The following FHIT variants were observed in gnomAD, a reference collection of about 807,000 sequenced individuals.
FHIT encodes bis(5'-adenosyl)-triphosphatase.
FHIT carries 19 observed loss-of-function variants against 17.9 expected under a neutral mutation model. The ratio of observed to expected loss-of-function variants is 1.06; its 90% CI spans 0.74 to 1.56. The LOEUF is 1.56. Among genes scored for constraint, FHIT ranks in the 40% most tolerant of loss-of-function variants. The pLI is 0.00. For synonymous variants in FHIT, 81 were observed against 69.7 expected, an observed-to-expected ratio of 1.16 and a Z score of -0.81; for missense variants, 248 against 189.2, an observed-to-expected ratio of 1.31 and a Z score of -1.82.
At chr3:59,817,662 G>A (rs1407885066) in intron 8 of FHIT, among the ~76,000 whole-genome samples, 1 of 151,788 alleles carries the variant, frequency 6.6e-6, no homozygotes, top group Admixed American at 6.6e-5. Context: ...CCATCCTCCA[G>A]CCTTTTAAAG....
intron 3 of FHIT, among the ~76,000 whole-genome samples, chr3:60,871,964 CTATTA>C (rs1253314835): frequency 6.6e-6 from 1 of 151,916 alleles, no homozygotes; most frequent in Non-Finnish European, 1.5e-5. Context: ...TGCCCAGCTC[CTATTA>C]TATTTTTAAA....
intron 5 of FHIT, among the ~76,000 whole-genome samples, chr3:60,129,195 G>T (rs1362610091): frequency 6.6e-6 from 1 of 151,876 alleles, no homozygotes; most frequent in African/African-American, 2.4e-5. Context: ...TGGGACTACA[G>T]GTGAGTGCCA....
At chr3:60,271,233 C>A (rs1706853660) in intron 5 of FHIT, among the ~76,000 whole-genome samples, 1 of 151,924 alleles carries the variant, frequency 6.6e-6, no homozygotes, top group Non-Finnish European at 1.5e-5. Context: ...AACCCTGTCT[C>A]TCCAAAAAAA....
At chr3:61,205,392 G>A (rs12487887) in intron 1 of FHIT, among the ~76,000 whole-genome samples, 10,843 of 152,120 alleles carry the variant, frequency 0.071, 1,082 homozygotes, top group East Asian at 0.4. Flanking sequence ...CTGAGGAATC[G>A]CCACACTGAC....
At chr3:60,517,964 A>G (rs1013387563) in intron 5 of FHIT, among the ~76,000 whole-genome samples, 8 of 152,218 alleles carry the variant, frequency 5.3e-5, no homozygotes, top group Non-Finnish European at 1.0e-4. Context: ...GTGGCCAGGA[A>G]GATACAGTGA....
At chr3:61,172,933 C>G (rs541028439) in intron 2 of FHIT, among the ~76,000 whole-genome samples, 27 of 152,210 alleles carry the variant, frequency 1.8e-4, no homozygotes, top group Middle Eastern at 3.4e-3. Flanking sequence ...GTATCCTAAA[C>G]GAGTAAAGCA....
Position 59,762,788 on chromosome 3 carries a change from AACACCTCAC to A in FHIT, c.349-10476_349-10468del, listed in dbSNP as rs575157254. ...TTTCAGGAATTAATCGCTGATCACC[AACACCTCAC>A]CCCAGGCGCCATCATATCTGAACCC... On this transcript the variant is annotated intron_variant, in intron 8 of 9. Coordinates refer to ENST00000492590, the MANE Select transcript of FHIT (RefSeq NM_002012.4). Among the ~76,000 whole-genome samples the A allele has an allele frequency of 3.9e-3, 590 of 152,300 alleles. 3 individuals are homozygous for A. Among genetic ancestry groups the A allele is most frequent in the African/African-American group, 0.014 (565 of 41,570 alleles).
chr3:60,097,819 T>C (rs1704021921), intron 5 of FHIT, among the ~76,000 whole-genome samples: 1 of 149,758 alleles, frequency 6.7e-6, no homozygotes, highest in Admixed American at 6.6e-5. Flanking sequence ...ACCCATTAAC[T>C]CATCATTTAG....
At chr3:60,120,994 T>G (rs1282977591) in intron 5 of FHIT, among the ~76,000 whole-genome samples, 1 of 152,172 alleles carries the variant, frequency 6.6e-6, no homozygotes, top group African/African-American at 2.4e-5. Flanking sequence ...TAAGAGAGCC[T>G]TAAGAGTTTC....
At chr3:60,231,070 A>C (rs1704472304) in intron 5 of FHIT, among the ~76,000 whole-genome samples, 1 of 152,178 alleles carries the variant, frequency 6.6e-6, no homozygotes, top group South Asian at 2.1e-4. Flanking sequence ...TCGGAAATAA[A>C]ATAATCTTAT....
At chr3:60,293,032 T>G (rs548646759) in intron 5 of FHIT, among the ~76,000 whole-genome samples, 8 of 152,290 alleles carry the variant, frequency 5.3e-5, no homozygotes, top group African/African-American at 1.9e-4. Flanking sequence ...GTTCCCCTGA[T>G]GCCAATACAT....
intron 5 of FHIT, among the ~76,000 whole-genome samples, chr3:60,498,324 A>C (rs990255553): frequency 6.6e-6 from 1 of 152,222 alleles, no homozygotes; most frequent in Non-Finnish European, 1.5e-5. Flanking sequence ...GAAAATGTTC[A>C]TTTGTTACAT....
At chr3:60,042,317 C>T (rs1012738309) in intron 5 of FHIT, among the ~76,000 whole-genome samples, 5 of 152,326 alleles carry the variant, frequency 3.3e-5, no homozygotes, top group South Asian at 2.1e-4. Flanking sequence ...GTCCTACCAT[C>T]GATATATCCT....
intron 8 of FHIT, among the ~76,000 whole-genome samples, chr3:59,773,779 T>A (rs780361): frequency 0.12 from 17,877 of 152,070 alleles, 1,187 homozygotes; most frequent in Non-Finnish European, 0.16. Context: ...TCCCAAATGA[T>A]TCCTCAATAC....
At chr3:60,143,243 C>T (rs1559672622) in intron 5 of FHIT, among the ~76,000 whole-genome samples, 1 of 152,180 alleles carries the variant, frequency 6.6e-6, no homozygotes, top group Non-Finnish European at 1.5e-5. Flanking sequence ...CTTGTATCCA[C>T]ACCTGTATAT....
rs1478181621 is a variant in FHIT, at chr3:61,143,728, T to C, written c.-164+56889A>G. ...TAAAAATACAAAAATTAGCCGGGCA[T>C]GGTGGCAGGCGCCTGTAGTCCCAAC... On this transcript the variant is annotated intron_variant, in intron 2 of 9. Coordinates refer to ENST00000492590, the MANE Select transcript of FHIT (RefSeq NM_002012.4). Among the ~76,000 whole-genome samples, 3 of 152,046 alleles carry C rather than the reference T, an allele frequency of 2.0e-5. No individual in the cohort carries two copies. In the South Asian group the frequency reaches 6.2e-4, roughly 31 times the overall value.
intron 2 of FHIT, among the ~76,000 whole-genome samples, chr3:61,199,983 A>T (rs532159223): frequency 6.6e-6 from 1 of 152,330 alleles, no homozygotes; most frequent in East Asian, 1.9e-4. Flanking sequence ...GCAAAGAGGA[A>T]ACAATTACAT....
chr3:60,390,622 G>A (rs1456223872), intron 5 of FHIT, among the ~76,000 whole-genome samples: 1 of 152,008 alleles, frequency 6.6e-6, no homozygotes, highest in African/African-American at 2.4e-5. Flanking sequence ...ACCTTCCAGT[G>A]GGACAAGATG....
intron 4 of FHIT, among the ~76,000 whole-genome samples, chr3:60,776,904 A>C (rs1395635199): frequency 6.6e-6 from 1 of 152,210 alleles, no homozygotes; most frequent in Non-Finnish European, 1.5e-5. Context: ...TGTGGAAATT[A>C]ATCTTGCAGA....
Sources: allele counts gnomAD v4.1 joint callset (sites outside exome capture counted in the v4.1 genomes callset), GRCh38; gene constraint gnomAD v4.1.1; transcripts MANE v1.5; gene names NCBI Gene and HGNC (gene_info 2026-07-23, HGNC 2026-07-21).